The following DNER variants were observed in gnomAD, a reference collection of about 807,000 sequenced individuals.
DNER encodes the protein delta and Notch-like epidermal growth factor-related receptor.
Under a neutral mutation model 78.2 loss-of-function variants are expected in DNER, and 33 were observed. That is an observed-to-expected ratio of 0.42 (90% CI 0.32 to 0.56). DNER has a LOEUF of 0.56. Ranked by LOEUF, DNER falls within the 20% of genes least tolerant of loss-of-function variation. DNER has a pLI of 0.11. For synonymous variants in DNER, 417 were observed against 384.8 expected (o/e 1.08, Z -0.98); for missense variants, 918 against 975.3 (o/e 0.94, Z 0.78).
chr2:229,410,554 C>T (rs1034535681), intron 9 of DNER, among the ~76,000 whole-genome samples: 1 of 152,196 alleles, frequency 6.6e-6, no homozygotes, highest in Admixed American at 6.5e-5. Context: ...ACACATGCAT[C>T]ACCCATTGGC....
intron 4 of DNER, among the ~76,000 whole-genome samples, chr2:229,565,351 A>C (rs1235923805): frequency 6.6e-6 from 1 of 152,214 alleles, no homozygotes; most frequent in Non-Finnish European, 1.5e-5. Flanking sequence ...TAATGTCCAA[A>C]TAAAAGCATA....
intron 7 of DNER, among the ~76,000 whole-genome samples, chr2:229,463,477 G>T (rs778137104): frequency 7.9e-5 from 12 of 152,158 alleles, no homozygotes; most frequent in Non-Finnish European, 1.5e-4. Context: ...GTCTCGCTTT[G>T]TCTCCCAGGC....
intron 4 of DNER, among the ~76,000 whole-genome samples, chr2:229,582,651 C>A (rs1697423434): frequency 6.6e-6 from 1 of 151,964 alleles, no homozygotes; most frequent in South Asian, 2.1e-4. Context: ...TATCAAAGTT[C>A]TTTTTTGAGT....
chr2:229,670,141 G>C (rs756290058), intron 1 of DNER, among the ~76,000 whole-genome samples: 19 of 152,066 alleles, frequency 1.2e-4, no homozygotes, highest in Non-Finnish European at 2.8e-4. Context: ...GTTATTTGTG[G>C]ACAGAAAAAA....
At chr2:229,683,181 C>T (rs1269362733) in intron 1 of DNER, among the ~76,000 whole-genome samples, 2 of 152,156 alleles carry the variant, frequency 1.3e-5, no homozygotes, top group Admixed American at 6.6e-5. Flanking sequence ...TTACACATAA[C>T]TTATGTAAGT....
At chr2:229,623,218 C>T (rs528906190) in intron 1 of DNER, among the ~76,000 whole-genome samples, 3 of 152,232 alleles carry the variant, frequency 2.0e-5, no homozygotes, top group South Asian at 2.1e-4. Context: ...TCACCGCTTT[C>T]GATGAAGTCT....
In DNER at chr2:229,426,507, T is replaced by C. The variant is rs116324013; in HGVS notation, c.1487-8277A>G. Among the ~76,000 whole-genome samples the C allele has an allele frequency of 8.6e-3, 1,306 of 151,766 alleles. 12 individuals are homozygous for C. Among genetic ancestry groups the C allele is most frequent in the African/African-American group, 0.03 (1,236 of 41,310 alleles). On this transcript the variant is annotated intron_variant, in intron 8 of 12. Transcript: ENST00000341772. Reference sequence around the variant, plus strand: ...AAATAATCCTATTATATTAACATGATTGTGAGCTTTCAAATTCTGGCTAAA... The same window carrying C: ...AAATAATCCTATTATATTAACATGACTGTGAGCTTTCAAATTCTGGCTAAA...
intron 6 of DNER, among the ~76,000 whole-genome samples, chr2:229,504,611 C>CT (rs564429922): frequency 6.2e-4 from 94 of 152,284 alleles, no homozygotes; most frequent in African/African-American, 2.2e-3. Flanking sequence ...CATCAGCCCC[C>CT]TTTTTTTACA....
chr2:229,488,235 C>G (rs1194348799), intron 6 of DNER, among the ~76,000 whole-genome samples: 1 of 152,200 alleles, frequency 6.6e-6, no homozygotes. Context: ...CATCCTCTTA[C>G]TAGTGTTTAG....
intron 8 of DNER, among the ~76,000 whole-genome samples, chr2:229,439,860 C>T (rs1185550120): frequency 2.6e-5 from 4 of 152,124 alleles, no homozygotes; most frequent in African/African-American, 9.7e-5. Flanking sequence ...GGCAAGATGA[C>T]GTAAAATGAT....
rs1262554079 is a variant in DNER at position 229,546,830 on chromosome 2, C to CAGATAGATAGATAGATAGAT, written c.993+116_993+117insATCTATCTATCTATCTATCT. On this transcript the variant is annotated intron_variant, in intron 5 of 12. Transcript: ENST00000341772. ...ACAGACAGACAGACAGACAGACAGA[C>CAGATAGATAGATAGATAGAT]AGATAGATAGATAGAGCAAGGATGA... 29 of 1,214,872 alleles carry CAGATAGATAGATAGATAGAT rather than the reference C, an allele frequency of 2.4e-5. No individual in the cohort carries two copies. In the African/African-American group the frequency reaches 2.8e-4, roughly 12 times the overall value. The allele number at this position is 1,214,872 out of a possible 1,614,324, so 75.3% of individuals were successfully genotyped here.
intron 10 of DNER, among the ~76,000 whole-genome samples, chr2:229,389,282 G>T (rs879313591): frequency 6.6e-6 from 1 of 151,726 alleles, no homozygotes; most frequent in South Asian, 2.1e-4. Flanking sequence ...CCAATGTCAC[G>T]GTGATTCAAA....
At chr2:229,611,753 A>G (rs1698052972) in intron 1 of DNER, among the ~76,000 whole-genome samples, 1 of 152,228 alleles carries the variant, frequency 6.6e-6, no homozygotes, top group Non-Finnish European at 1.5e-5. Context: ...GTGACAGAGC[A>G]GAACTCCAAC....
intron 11 of DNER, among the ~76,000 whole-genome samples, chr2:229,373,734 T>C (rs929035843): frequency 2.0e-5 from 3 of 152,178 alleles, no homozygotes; most frequent in Non-Finnish European, 4.4e-5. Context: ...GTGGTACATA[T>C]ACAGCATGGA....
At chr2:229,650,009 A>T (rs1698786454) in intron 1 of DNER, among the ~76,000 whole-genome samples, 1 of 148,524 alleles carries the variant, frequency 6.7e-6, no homozygotes, top group Non-Finnish European at 1.5e-5. Context: ...CAGGAGGCAG[A>T]GCTTGCAGTG....
chr2:229,447,136 A>G (rs1184699614), intron 8 of DNER, among the ~76,000 whole-genome samples, 180 bp downstream of exon 8: 1 of 152,254 alleles, frequency 6.6e-6, no homozygotes, highest in Non-Finnish European at 1.5e-5. Flanking sequence ...TGTGTCATAA[A>G]TGAGTGGAAT....
intron 5 of DNER, among the ~76,000 whole-genome samples, chr2:229,518,938 A>T (rs1022977666): frequency 6.7e-6 from 1 of 149,730 alleles, no homozygotes; most frequent in Non-Finnish European, 1.5e-5. Context: ...GAACGATGCA[A>T]ATCATGCGAT....
intron 8 of DNER, 98 bp from the exon 9 acceptor site, chr2:229,418,328 A>G: frequency 6.6e-7 from 1 of 1,523,370 alleles, no homozygotes; most frequent in Non-Finnish European, 8.9e-7. Flanking sequence ...ATTCATTAGA[A>G]AGTATGGTAT....
intron 1 of DNER, among the ~76,000 whole-genome samples, chr2:229,686,170 C>T (rs954490139): frequency 6.6e-6 from 1 of 152,112 alleles, no homozygotes; most frequent in East Asian, 1.9e-4. Flanking sequence ...CTCAAAGTCA[C>T]ATTTAGTCAG....
Sources: allele counts gnomAD v4.1 joint callset (sites outside exome capture counted in the v4.1 genomes callset), GRCh38; gene constraint gnomAD v4.1.1; transcripts MANE v1.5; gene names NCBI Gene and HGNC (gene_info 2026-07-23, HGNC 2026-07-21).